The following PRR5L variants were observed in gnomAD, a reference collection of about 807,000 sequenced individuals.
PRR5L encodes proline-rich protein 5-like.
PRR5L carries 21 observed loss-of-function variants against 36.4 expected under a neutral mutation model. That is an observed-to-expected ratio of 0.58 (90% CI 0.41 to 0.83). The LOEUF is 0.83. Ranked by LOEUF, PRR5L falls within the 40% of genes least tolerant of loss-of-function variation. The pLI, the probability that PRR5L is intolerant of heterozygous loss-of-function variation, is 0.00. For missense variants in PRR5L, 381 were observed against 473.3 expected (o/e 0.80, Z 1.81); for synonymous variants, 188 against 197.0 (o/e 0.95, Z 0.38).
In PRR5L at chr11:36,435,889, T is replaced by C. The variant is rs1316996254; in HGVS notation, c.353-1496T>C. ...CAAAGATTTTAAAAGATTGATTTAT[T>C]GAAGTGGCTGCACCATGCTAAGCAC... On this transcript the variant is annotated intron_variant, in intron 5 of 8. Transcript: ENST00000530639. Among the ~76,000 whole-genome samples, 3 of 152,226 alleles carry C rather than the reference T, an allele frequency of 2.0e-5. No homozygotes were observed. In the East Asian group the frequency reaches 5.8e-4, roughly 29 times the overall value.
intron 1 of PRR5L, among the ~76,000 whole-genome samples, chr11:36,340,896 T>G (rs1209440772): frequency 6.6e-6 from 1 of 152,186 alleles, no homozygotes; most frequent in Non-Finnish European, 1.5e-5. Context: ...CACCTAGCAG[T>G]GACTCTGGGG....
intron 1 of PRR5L, among the ~76,000 whole-genome samples, chr11:36,314,883 A>G (rs568924904): frequency 3.8e-4 from 58 of 152,336 alleles, no homozygotes; most frequent in African/African-American, 1.3e-3. Flanking sequence ...AGGTCACTCA[A>G]CTGAAAAATG....
At chr11:36,380,555 GT>G (rs1473798554) in intron 1 of PRR5L, 1 of 152,062 alleles carries the variant, frequency 6.6e-6, no homozygotes, top group Non-Finnish European at 1.5e-5. Flanking sequence ...CGGATTTCAT[GT>G]ACGGGAGAGA....
chr11:36,309,238 A>T (rs1373964198), intron 1 of PRR5L, among the ~76,000 whole-genome samples: 1 of 152,164 alleles, frequency 6.6e-6, no homozygotes, highest in Non-Finnish European at 1.5e-5. Flanking sequence ...CTGTTTTCTG[A>T]CCTATTCTCA....
chr11:36,374,107 T>TTCCTTCCTTC (rs1554989613), intron 1 of PRR5L, among the ~76,000 whole-genome samples: 5 of 90,558 alleles, frequency 5.5e-5, no homozygotes, highest in South Asian at 8.3e-4. Context: ...CCTTCCTTCC[T>TTCCTTCCTTC]CTCTCTCTCT....
At chr11:36,304,699 C>G (rs774733219) in intron 1 of PRR5L, among the ~76,000 whole-genome samples, 16 of 152,174 alleles carry the variant, frequency 1.1e-4, no homozygotes, top group Non-Finnish European at 1.9e-4. Flanking sequence ...CAATTTTGGA[C>G]ACTTACTAAG....
chr11:36,461,299 A>T lies in PRR5L; in HGVS notation c.713-1043A>T, dbSNP rs1425448053. Among the ~76,000 whole-genome samples, 3 of 152,078 alleles carry T rather than the reference A, an allele frequency of 2.0e-5. No homozygotes were observed. The East Asian group carries it at 5.8e-4, about 29-fold the overall frequency. ...AAAAGATAAAATGTCTAGGTTTAGC[A>T]CAGTTTTTGGAACATGATGAGAATT... On this transcript the variant is annotated intron_variant, in intron 8 of 8. Coordinates refer to ENST00000530639, the MANE Select transcript of PRR5L (RefSeq NM_001160167.2).
In PRR5L at chr11:36,446,422, G is replaced by A; in HGVS notation, c.567G>A (p.Gln189=). The A allele has an allele frequency of 1.2e-6, 2 of 1,614,156 alleles. No homozygotes were observed. Among genetic ancestry groups the A allele is most frequent in the South Asian group, 1.1e-5 (1 of 91,084 alleles). ...AQSKLPSSIV[Q]MLLILQSVHE... is the part of the protein sequence containing the mutation. ...CCAAGCTGCCCTCGTCCATTGTCCA[G>A]ATGTTGCTCATCCTGCAGGTGAGGC... is the stretch of plus-strand genomic sequence containing the variant. Residue 189 remains glutamine (Q), a synonymous_variant, in exon 7 of 9, where the codon CAG becomes CAA. Transcript: ENST00000530639.
At chr11:36,298,755 A>C (rs1410947267) in intron 1 of PRR5L, among the ~76,000 whole-genome samples, 1 of 152,100 alleles carries the variant, frequency 6.6e-6, no homozygotes, top group Admixed American at 6.5e-5. Context: ...CCAGTTCTGG[A>C]GGTTAAAAGT....
At chr11:36,342,939 A>T (rs919827248) in intron 1 of PRR5L, among the ~76,000 whole-genome samples, 9 of 152,254 alleles carry the variant, frequency 5.9e-5, no homozygotes, top group Non-Finnish European at 1.3e-4. Flanking sequence ...GGCACTGGAT[A>T]GAACTGCTTT....
At chr11:36,302,640 A>G (rs1856389120) in intron 1 of PRR5L, among the ~76,000 whole-genome samples, 1 of 152,112 alleles carries the variant, frequency 6.6e-6, no homozygotes. Flanking sequence ...ACAAAAAATT[A>G]GCTGGGCATG....
rs540950793 is a variant in PRR5L, at chr11:36,328,708, A to C, written c.-126+32270A>C. On this transcript the variant is annotated intron_variant, in intron 1 of 8. Transcript: ENST00000530639. Reference sequence around the variant, plus strand: ...CCAACTTCTCATCTCCAGTGATAGGAATCTATCTTCCTGGGTTGCAAAACT... The same window carrying C: ...CCAACTTCTCATCTCCAGTGATAGGCATCTATCTTCCTGGGTTGCAAAACT... 5.9e-5 allele frequency among the ~76,000 whole-genome samples: 9 copies of C among 152,264 alleles called. No individual in the cohort carries two copies. In the South Asian group the frequency reaches 1.9e-3, roughly 32 times the overall value.
At chr11:36,453,348 C>T (rs1390976223) in intron 8 of PRR5L, among the ~76,000 whole-genome samples, 1 of 152,164 alleles carries the variant, frequency 6.6e-6, no homozygotes, top group African/African-American at 2.4e-5. Context: ...ATCCCAGGAA[C>T]AAGAGTCAAT....
intron 1 of PRR5L, among the ~76,000 whole-genome samples, chr11:36,371,317 G>A (rs867163650): frequency 6.6e-6 from 1 of 152,182 alleles, no homozygotes; most frequent in South Asian, 2.1e-4. Flanking sequence ...TTACACCCTG[G>A]TGTTAGATCA....
chr11:36,397,443 C>CTTTTTTTT (rs34024197), intron 1 of PRR5L, among the ~76,000 whole-genome samples: 2 of 35,106 alleles, frequency 5.7e-5, no homozygotes, highest in African/African-American at 1.1e-4. Context: ...CAGCCGATGC[C>CTTTTTTTT]TTTTTTTTTT....
At chr11:36,316,956 G>A (rs1391333323) in intron 1 of PRR5L, among the ~76,000 whole-genome samples, 1 of 152,180 alleles carries the variant, frequency 6.6e-6, no homozygotes, top group Non-Finnish European at 1.5e-5. Flanking sequence ...AATGTTAGGA[G>A]CAAGATGGAG....
intron 1 of PRR5L, among the ~76,000 whole-genome samples, chr11:36,308,932 T>A (rs1458316324): frequency 6.6e-6 from 1 of 152,212 alleles, no homozygotes; most frequent in Non-Finnish European, 1.5e-5. Flanking sequence ...TAAGGCAGAA[T>A]TGCCCTAGTC....
chr11:36,337,176 T>TC (rs1565396810), intron 1 of PRR5L, among the ~76,000 whole-genome samples: 1 of 152,032 alleles, frequency 6.6e-6, no homozygotes, highest in Non-Finnish European at 1.5e-5. Flanking sequence ...CCATGGGTCA[T>TC]CCCCCCAAAA....
At chr11:36,411,538 G>C (rs959038757) in intron 3 of PRR5L, among the ~76,000 whole-genome samples, 3 of 152,126 alleles carry the variant, frequency 2.0e-5, no homozygotes, top group Non-Finnish European at 4.4e-5. Flanking sequence ...CAGGCCCCGT[G>C]TAAGTGTCCC....
Sources: gnomAD v4.1 joint callset for allele counts (sites outside exome capture counted in the v4.1 genomes callset) on GRCh38, gnomAD v4.1.1 for gene constraint, MANE v1.5 for transcripts, NCBI Gene and HGNC (gene_info 2026-07-23, HGNC 2026-07-21) for gene names.